Variants in CR1L observed in about 807,000 individuals in gnomAD.
CR1L encodes complement component receptor 1-like protein.
In CR1L, 59 loss-of-function variants were observed where a neutral mutation model predicts 62.3. The ratio of observed to expected loss-of-function variants is 0.95; its 90% CI spans 0.77 to 1.18. The LOEUF is 1.18. Ranked by LOEUF, CR1L falls within the 50% of genes most tolerant of loss-of-function variation. The pLI is 0.00. For missense variants in CR1L, 700 were observed against 702.8 expected, an observed-to-expected ratio of 1.00 and a Z score of 0.04; for synonymous variants, 279 against 248.7, an observed-to-expected ratio of 1.12 and a Z score of -1.15.
intron 4 of CR1L, among the ~76,000 whole-genome samples, chr1:207,691,255 T>A (rs1441427805): frequency 1.3e-5 from 2 of 152,186 alleles, no homozygotes; most frequent in Non-Finnish European, 2.9e-5. Context: ...TCTCTTTACC[T>A]CTCATAATAC....
At chr1:207,687,534 C>T (rs1235786732) in intron 4 of CR1L, among the ~76,000 whole-genome samples, 3 of 152,110 alleles carry the variant, frequency 2.0e-5, no homozygotes, top group African/African-American at 2.4e-5. Flanking sequence ...CCAAAGTAAC[C>T]GCTATTCTGA....
intron 3 of CR1L, among the ~76,000 whole-genome samples, chr1:207,683,138 C>T (rs569785970): frequency 8.0e-5 from 12 of 149,970 alleles, no homozygotes; most frequent in Admixed American, 2.7e-4. Context: ...CTCTCTACCC[C>T]GCCCCTTTCT....
intron 3 of CR1L, among the ~76,000 whole-genome samples, chr1:207,682,201 T>C (rs1663810812): frequency 6.6e-6 from 1 of 151,754 alleles, no homozygotes; most frequent in Non-Finnish European, 1.5e-5. Context: ...CCAGGCGCAG[T>C]GGCTCATGCG....
At chr1:207,661,296 A>T (rs1196679266) in intron 1 of CR1L, among the ~76,000 whole-genome samples, 1 of 152,130 alleles carries the variant, frequency 6.6e-6, no homozygotes, top group African/African-American at 2.4e-5. Context: ...TTTGTAGGTC[A>T]CTAAGGACTT....
At chr1:207,661,615 T>C (rs1161740756) in intron 1 of CR1L, among the ~76,000 whole-genome samples, 1 of 152,212 alleles carries the variant, frequency 6.6e-6, no homozygotes, top group Non-Finnish European at 1.5e-5. Flanking sequence ...CCAGTCTGTG[T>C]CTTTTAATTG....
rs1387024423 is a variant in CR1L at position 207,692,065 on chromosome 1, A to G, written c.464-2288A>G. On this transcript the variant is annotated intron_variant, in intron 4 of 11. Transcript: ENST00000508064. Reference sequence around the variant, plus strand: ...TTATTTGAAGACAGTTCAAACAGTTAGCCACATTTGATTGGCCAAAACTCG... The same window carrying G: ...TTATTTGAAGACAGTTCAAACAGTTGGCCACATTTGATTGGCCAAAACTCG... Among the ~76,000 whole-genome samples the G allele has an allele frequency of 1.4e-4, 22 of 152,232 alleles. No individual in the cohort carries two copies. In the East Asian group the frequency reaches 3.7e-3, roughly 25 times the overall value.
intron 11 of CR1L, among the ~76,000 whole-genome samples, chr1:207,721,853 G>C (rs1312782801): frequency 1.5e-5 from 2 of 135,320 alleles, no homozygotes; most frequent in Non-Finnish European, 3.2e-5. Context: ...TCCAGCACCT[G>C]TTGTTTCCTG....
chr1:207,648,186 CACACACACACACACACACAG>C (rs1361784034), intron 1 of CR1L, among the ~76,000 whole-genome samples: 9 of 103,608 alleles, frequency 8.7e-5, no homozygotes, highest in Non-Finnish European at 1.4e-4. Flanking sequence ...CACACACACA[CACACACACACACACACACAG>C]ACACACACAC....
intron 1 of CR1L, among the ~76,000 whole-genome samples, chr1:207,669,940 C>T (rs983335088): frequency 1.3e-5 from 2 of 151,132 alleles, no homozygotes; most frequent in African/African-American, 4.9e-5. Context: ...ATCCGACAAA[C>T]CTGAGTTCTG....
chr1:207,699,539 T>C (rs1460251052), intron 8 of CR1L, among the ~76,000 whole-genome samples: 1 of 152,252 alleles, frequency 6.6e-6, no homozygotes, highest in East Asian at 1.9e-4. Context: ...AGAGATTAGA[T>C]AATGTGAAGC....
intron 4 of CR1L, among the ~76,000 whole-genome samples, chr1:207,687,491 A>T (rs968757537): frequency 6.6e-6 from 1 of 152,174 alleles, no homozygotes; most frequent in Admixed American, 6.5e-5. Flanking sequence ...AGCACCCCAG[A>T]AGCCTTCCTG....
intron 1 of CR1L, among the ~76,000 whole-genome samples, chr1:207,646,430 G>T (rs565321449): frequency 1.3e-4 from 20 of 152,176 alleles, no homozygotes; most frequent in African/African-American, 4.8e-4. Context: ...TGCATGCTAG[G>T]CCAGGCCCAG....
At chr1:207,717,403 A>G (rs1221409308) in intron 10 of CR1L, 61 bp from the exon 11 acceptor site, 1 of 1,555,794 alleles carries the variant, frequency 6.4e-7, no homozygotes, top group Non-Finnish European at 8.8e-7. Flanking sequence ...CAGGTCACTA[A>G]TATTTCAGTC....
intron 1 of CR1L, among the ~76,000 whole-genome samples, chr1:207,675,701 A>G (rs1293296066): frequency 6.6e-6 from 1 of 152,222 alleles, no homozygotes; most frequent in Non-Finnish European, 1.5e-5. Context: ...CAGAAATGAA[A>G]ACAAAACAAA....
At position 207,689,974 on chromosome 1, in the gene CR1L, T is replaced by C. The variant is rs148466891; in HGVS notation, c.464-4379T>C. Among the ~76,000 whole-genome samples the C allele has an allele frequency of 1.3e-3, 197 of 152,246 alleles. 1 individual carries two copies. Among genetic ancestry groups the C allele is most frequent in the African/African-American group, 4.5e-3 (189 of 41,588 alleles). On this transcript the variant is annotated intron_variant, in intron 4 of 11. Transcript: ENST00000508064. The stretch of plus-strand genomic sequence containing the variant: ...TGGTACTCCTATGCTAATTAATTTC[T>C]GATATTGGTAATATCTTTTTGCTTC...
chr1:207,713,296 A>T (rs894421309), intron 10 of CR1L, among the ~76,000 whole-genome samples: 4 of 152,246 alleles, frequency 2.6e-5, no homozygotes, highest in Non-Finnish European at 4.4e-5. Context: ...TTTGCCTCAT[A>T]ATAAGGCAAA....
intron 1 of CR1L, chr1:207,657,075 G>A (rs1410803060): frequency 1.3e-5 from 8 of 602,952 alleles, no homozygotes; most frequent in Middle Eastern, 7.8e-4. Context: ...TTTTACTAAT[G>A]CTGCCTTAAT....
intron 11 of CR1L, among the ~76,000 whole-genome samples, chr1:207,721,658 G>T (rs1654139235): frequency 6.7e-6 from 1 of 149,274 alleles, no homozygotes; most frequent in Non-Finnish European, 1.5e-5. Flanking sequence ...ACATACGTGT[G>T]CATGTGTCTT....
chr1:207,677,931 C>A (rs1663725089), intron 2 of CR1L, among the ~76,000 whole-genome samples: 1 of 152,182 alleles, frequency 6.6e-6, no homozygotes, highest in Admixed American at 6.5e-5. Flanking sequence ...TGGATTATAT[C>A]AGTTGAATTG....
Sources: allele counts gnomAD v4.1 joint callset (sites outside exome capture counted in the v4.1 genomes callset), GRCh38; gene constraint gnomAD v4.1.1; transcripts MANE v1.5; gene names NCBI Gene and HGNC (gene_info 2026-07-23, HGNC 2026-07-21).